HERC4: variants seen among roughly 807,000 people sequenced by gnomAD.
The protein encoded by HERC4 is HECT and RLD domain containing E3 ubiquitin protein ligase 4.
HERC4 carries 28 observed loss-of-function variants against 124.3 expected under a neutral mutation model. The observed-to-expected ratio is 0.23, with a 90% confidence interval of 0.17 to 0.31. The LOEUF (loss-of-function observed/expected upper bound fraction) is 0.31. Among genes scored for constraint, HERC4 ranks in the 10% least tolerant of loss-of-function variants. The probability of loss-of-function intolerance (pLI) is 1.00; values close to 1 mark genes in which losing one functional copy is unlikely to be tolerated. For missense variants in HERC4, 713 were observed against 1,229.3 expected (o/e 0.58, Z 6.28); for synonymous variants, 407 against 421.5 (o/e 0.97, Z 0.42).
At chr10:67,929,250 T>G (rs962312823) in intron 23 of HERC4, among the ~76,000 whole-genome samples, 9 of 152,214 alleles carry the variant, frequency 5.9e-5, no homozygotes, top group African/African-American at 2.2e-4. Context: ...TATACAGTTC[T>G]GTAAGTTCTA....
intron 7 of HERC4, among the ~76,000 whole-genome samples, chr10:68,032,403 T>C (rs956960222): frequency 2.0e-5 from 3 of 152,176 alleles, no homozygotes; most frequent in Non-Finnish European, 4.4e-5. Flanking sequence ...AAATGGAAAC[T>C]ACATTCAAAT....
chr10:68,010,802 AG>A, intron 9 of HERC4: 1 of 1,523,364 alleles, frequency 6.6e-7, no homozygotes. Flanking sequence ...TGCATATCCC[AG>A]GGTGATCCTC....
intron 19 of HERC4, among the ~76,000 whole-genome samples, chr10:67,951,082 G>C (rs532526804): frequency 2.0e-5 from 3 of 152,162 alleles, no homozygotes; most frequent in Non-Finnish European, 2.9e-5. Context: ...ACCAGCCAAG[G>C]TGAGATAGAA....
At chr10:68,071,901 T>A (rs1209791277) in intron 3 of HERC4, among the ~76,000 whole-genome samples, 1 of 152,214 alleles carries the variant, frequency 6.6e-6, no homozygotes, top group African/African-American at 2.4e-5. Context: ...AAAGTGAGAT[T>A]TGGCATGGTC....
chr10:68,071,071 T>C (rs1337771672), intron 3 of HERC4, among the ~76,000 whole-genome samples: 1 of 152,236 alleles, frequency 6.6e-6, no homozygotes, highest in African/African-American at 2.4e-5. Context: ...CACTTTTCTC[T>C]TCCACAGGCT....
chr10:67,989,190 T>G (rs1421944831), intron 14 of HERC4, among the ~76,000 whole-genome samples: 1 of 152,094 alleles, frequency 6.6e-6, no homozygotes, highest in African/African-American at 2.4e-5. Flanking sequence ...AAACAAAACA[T>G]CCTTTAAATT....
chr10:68,021,480 T>A (rs2038622227), intron 8 of HERC4, among the ~76,000 whole-genome samples: 2 of 152,158 alleles, frequency 1.3e-5, no homozygotes, highest in Admixed American at 1.3e-4. Context: ...TTCAACATAA[T>A]CTTGGAAGTT....
At chr10:68,033,162 T>C (rs2039295229) in intron 6 of HERC4, among the ~76,000 whole-genome samples, 1 of 152,118 alleles carries the variant, frequency 6.6e-6, no homozygotes, top group Non-Finnish European at 1.5e-5. Context: ...TTTCCACACA[T>C]ACATCATTCT....
At chr10:67,991,230 T>A in intron 11 of HERC4, 31 bp from the exon 12 acceptor site, 1 of 1,257,850 alleles carries the variant, frequency 8.0e-7, no homozygotes, top group Non-Finnish European at 1.1e-6. Context: ...TTTTTAATCA[T>A]AGAATCAGAA....
chr10:68,039,452 G>C (rs999285589), intron 4 of HERC4: 14 of 1,550,570 alleles, frequency 9.0e-6, no homozygotes, highest in Non-Finnish European at 1.1e-5. Context: ...AGCAAATTCT[G>C]ACCAGAGAGT....
chr10:67,930,011 G>C (rs765322893), intron 23 of HERC4, among the ~76,000 whole-genome samples: 17 of 152,044 alleles, frequency 1.1e-4, no homozygotes, highest in Non-Finnish European at 2.1e-4. Context: ...TCTCCATGTT[G>C]GTCAGGGTGG....
intron 4 of HERC4, among the ~76,000 whole-genome samples, chr10:68,042,114 TC>T (rs2039800179): frequency 6.6e-6 from 1 of 152,178 alleles, no homozygotes; most frequent in African/African-American, 2.4e-5. Flanking sequence ...CCTCCCAGGT[TC>T]AAGCAATTCT....
At chr10:67,969,030 A>C (rs570402594) in intron 15 of HERC4, among the ~76,000 whole-genome samples, 120 of 152,286 alleles carry the variant, frequency 7.9e-4, no homozygotes, top group Admixed American at 1.8e-3. Flanking sequence ...CATACATTTA[A>C]AAGAATCCAA....
At chr10:68,016,193 G>A (rs1589330347) in intron 8 of HERC4, among the ~76,000 whole-genome samples, 1 of 152,124 alleles carries the variant, frequency 6.6e-6, no homozygotes, top group African/African-American at 2.4e-5. Flanking sequence ...CTCTAGATTT[G>A]ATGTAAGAGC....
intron 15 of HERC4, among the ~76,000 whole-genome samples, chr10:67,978,371 G>A (rs2035725168): frequency 6.6e-6 from 1 of 152,240 alleles, no homozygotes; most frequent in South Asian, 2.1e-4. Flanking sequence ...GGGAGGTCTG[G>A]GGTGTTCCTC....
intron 3 of HERC4, among the ~76,000 whole-genome samples, chr10:68,056,255 G>T (rs751369018): frequency 1.3e-5 from 2 of 151,954 alleles, no homozygotes; most frequent in Non-Finnish European, 2.9e-5. Flanking sequence ...TAAATTTTTC[G>T]CTCTAATGTA....
intron 7 of HERC4, among the ~76,000 whole-genome samples, chr10:68,030,472 G>A (rs544574596): frequency 6.6e-6 from 1 of 152,152 alleles, no homozygotes; most frequent in African/African-American, 2.4e-5. Flanking sequence ...AAATATACAT[G>A]GCATATGATA....
At chr10:68,032,051 C>A (rs574172280) in intron 7 of HERC4, among the ~76,000 whole-genome samples, 1 of 152,252 alleles carries the variant, frequency 6.6e-6, no homozygotes, top group East Asian at 1.9e-4. Flanking sequence ...TGTGCCCGGA[C>A]GTTAATGTCT....
chr10:67,949,091 AAAAATAAAAT>A (rs1025662882), intron 19 of HERC4, among the ~76,000 whole-genome samples: 2 of 151,876 alleles, frequency 1.3e-5, no homozygotes, highest in Admixed American at 1.3e-4. Context: ...GTTTCTACTA[AAAAATAAAAT>A]AAAATAAAAT....
Sources: gnomAD v4.1 joint callset for allele counts (sites outside exome capture counted in the v4.1 genomes callset) on GRCh38, gnomAD v4.1.1 for gene constraint, MANE v1.5 for transcripts, NCBI Gene and HGNC (gene_info 2026-07-23, HGNC 2026-07-21) for gene names.